The following SPINK14 variants were observed in gnomAD, a reference collection of about 807,000 sequenced individuals.
SPINK14 encodes serine protease inhibitor Kazal-type 14.
A neutral mutation model predicts 14.2 loss-of-function variants in SPINK14; 6 were observed. That is an observed-to-expected ratio of 0.42 (90% CI 0.23 to 0.83). The LOEUF (loss-of-function observed/expected upper bound fraction) is 0.83, where lower values mean the gene tolerates loss of function less well. Among genes scored for constraint, SPINK14 ranks in the 40% least tolerant of loss-of-function variants. SPINK14 has a pLI of 0.28. For missense variants in SPINK14, 86 were observed against 108.3 expected, an observed-to-expected ratio of 0.79 and a Z score of 0.91; for synonymous variants, 34 against 36.8, an observed-to-expected ratio of 0.92 and a Z score of 0.27.
intron 1 of SPINK14, among the ~76,000 whole-genome samples, 69 bp downstream of exon 1, chr5:148,168,636 A>G (rs375032753): frequency 6.8e-6 from 1 of 148,062 alleles, no homozygotes; most frequent in East Asian, 1.9e-4. Context: ...TTCTGGCTGC[A>G]GCTGAACTTG....
Position 148,174,909 on chromosome 5 carries a change from G to T in SPINK14, c.249-444G>T, listed in dbSNP as rs61575505. On this transcript the variant is annotated intron_variant, in intron 4 of 4. Coordinates refer to ENST00000356972, the MANE Select transcript of SPINK14 (RefSeq NM_001001325.2). ...TATATGAGTGAGTGCATTTCACAGA[G>T]AGAAAAATTTTCCCCATGGCATCAG... 7.8e-3 allele frequency among the ~76,000 whole-genome samples: 1,189 copies of T among 152,186 alleles called. 18 individuals are homozygous for T. The highest frequency in any genetic ancestry group is 0.027 in the African/African-American group (1,140 of 41,526).
intron 3 of SPINK14, among the ~76,000 whole-genome samples, chr5:148,173,508 T>G (rs1755134123): frequency 3.0e-5 from 3 of 101,064 alleles, no homozygotes; most frequent in South Asian, 6.2e-4. Flanking sequence ...GAAAAAAAAG[T>G]GATAAATATT....
In SPINK14 at chr5:148,170,944, C is replaced by T; in HGVS notation, c.82C>T (p.His28Tyr). Reference sequence around the variant, plus strand: ...GTATTCTCTAGTTTCAGGCCCTAGACACTGGTGGCCACCACGTGGAATTAT... The same window carrying T: ...GTATTCTCTAGTTTCAGGCCCTAGATACTGGTGGCCACCACGTGGAATTAT... Reference protein sequence around the residue: ...LVLSSVSGPRHWWPPRGIIKV... With the variant: ...LVLSSVSGPRYWWPPRGIIKV... Residue 28 changes from histidine to tyrosine, a missense_variant, in exon 3 of 5, where the codon CAC becomes TAC. By Grantham distance (83) the His-to-Tyr change is moderately conservative. Coordinates refer to ENST00000356972, the MANE Select transcript of SPINK14 (RefSeq NM_001001325.2). The T allele has an allele frequency of 6.2e-7, 1 of 1,612,486 alleles. No individual in the cohort carries two copies. The highest frequency in any genetic ancestry group is 1.7e-5 in the Admixed American group (1 of 59,874).
rs1324105593 is a variant in SPINK14 at position 148,168,752 on chromosome 5, G to A, written c.-73+185G>A. The stretch of plus-strand genomic sequence containing the variant: ...CCCAGATTGTGCCAGGAGTAGGCAT[G>A]GTAGGCAACCTTTCATAGTGTACAA... On this transcript the variant is annotated intron_variant, in intron 1 of 4. Coordinates refer to ENST00000356972, the MANE Select transcript of SPINK14 (RefSeq NM_001001325.2). Among the ~76,000 whole-genome samples the A allele has an allele frequency of 2.6e-5, 4 of 152,080 alleles. No individual in the cohort carries two copies. In the South Asian group the frequency reaches 8.3e-4, roughly 31 times the overall value.
At chr5:148,170,820 A>C in intron 2 of SPINK14, 110 bp from the exon 3 acceptor site, 1 of 907,918 alleles carries the variant, frequency 1.1e-6, no homozygotes, top group Non-Finnish European at 1.7e-6. Context: ...AATGTTTTCC[A>C]TTGCTGAAAA....
In SPINK14 at chr5:148,169,719, C is replaced by T. The variant is rs371126748; in HGVS notation, c.-14C>T. On this transcript the variant is annotated 5_prime_UTR_variant, in exon 2 of 5. Transcript: ENST00000356972. ...ATTTCAGAGCATCATTCCAAGGACA[C>T]ACCAGGAGGAAAAATGGCCAAATCT... The T allele has an allele frequency of 2.6e-5, 42 of 1,605,536 alleles. No individual in the cohort carries two copies. Among genetic ancestry groups the T allele is most frequent in the Non-Finnish European group, 3.2e-5 (37 of 1,174,354 alleles).
Position 148,174,248 on chromosome 5 carries a change from T to A in SPINK14, c.126T>A (p.Tyr42Ter). 2 of 1,114,326 alleles carry A rather than the reference T, an allele frequency of 1.8e-6. No homozygotes were observed. The highest frequency in any genetic ancestry group is 2.5e-6 in the Non-Finnish European group (2 of 811,114). The allele number at this position is 1,114,326 out of a possible 1,614,324, so 69.0% of individuals were successfully genotyped here. The change falls in exon 4 of 5, where the codon TAT (tyrosine) becomes TAA (stop). Residue 42 changes from tyrosine to a stop codon, truncating the protein, a stop_gained. Transcript: ENST00000356972. LOFTEE classifies it high-confidence loss of function. ...PRGIIKVKCPYEKVNLSWYNG... is the reference protein window; with the variant it reads ...PRGIIKVKCP ...CTCAATTTCAGGTGAAATGTCCATA[T>A]GAGAAAGTAAACTTGAGCTGGTACA...
chr5:148,172,976 T>C (rs1478406666), intron 3 of SPINK14, among the ~76,000 whole-genome samples: 2 of 152,008 alleles, frequency 1.3e-5, no homozygotes, highest in Non-Finnish European at 2.9e-5. Context: ...TTTTTTATAA[T>C]GTGCAATGAG....
chr5:148,173,215 G>A (rs933144900), intron 3 of SPINK14, among the ~76,000 whole-genome samples: 12 of 152,014 alleles, frequency 7.9e-5, no homozygotes, highest in Admixed American at 5.9e-4. Flanking sequence ...TACTTTGTGC[G>A]TGAGGTATTT....
At chr5:148,170,165 T>TAC (rs1173691697) in intron 2 of SPINK14, among the ~76,000 whole-genome samples, 2 of 102,742 alleles carry the variant, frequency 1.9e-5, no homozygotes, top group Admixed American at 1.9e-4. Flanking sequence ...AGAGTATATA[T>TAC]ATATATATAC....
At chr5:148,172,805 C>T (rs1255270051) in intron 3 of SPINK14, among the ~76,000 whole-genome samples, 1 of 148,366 alleles carries the variant, frequency 6.7e-6, no homozygotes, top group African/African-American at 2.5e-5. Flanking sequence ...TATGACACGT[C>T]AGAAGACCTT....
Position 148,169,680 on chromosome 5 carries a change from C to T in SPINK14, c.-53C>T. The T allele has an allele frequency of 6.8e-7, 1 of 1,473,932 alleles. No individual in the cohort carries two copies. The highest frequency in any genetic ancestry group is 9.4e-7 in the Non-Finnish European group (1 of 1,060,158). 91.3% of individuals were successfully genotyped at this position (1,473,932 alleles called of 1,614,324 possible). On this transcript the variant is annotated 5_prime_UTR_variant, in exon 2 of 5. Transcript: ENST00000356972. ...CTTTAGTGATTGTATTAGAGGGCAA[C>T]AACCTGAGACAATATTTCAGAGCAT...
In SPINK14 at chr5:148,175,436, T is replaced by C. The variant is rs200060630; in HGVS notation, c.*38T>C. 1 of 310,312 alleles carries C rather than the reference T, an allele frequency of 3.2e-6. No homozygotes were observed. The highest frequency in any genetic ancestry group is 5.2e-5 in the South Asian group (1 of 19,112). 19.2% of individuals were successfully genotyped at this position (310,312 alleles called of 1,614,324 possible). ...GAATGTGGAAGATATCTTCTTTTTT[T>C]TTTCCTCCATGTCTCCAATCTCCCT... On this transcript the variant is annotated 3_prime_UTR_variant, in exon 5 of 5. Coordinates refer to ENST00000356972, the MANE Select transcript of SPINK14 (RefSeq NM_001001325.2).
At chr5:148,170,581 G>C (rs930918328) in intron 2 of SPINK14, among the ~76,000 whole-genome samples, 1 of 151,894 alleles carries the variant, frequency 6.6e-6, no homozygotes, top group Non-Finnish European at 1.5e-5. Context: ...TATGATGATT[G>C]GGCCAAAAGA....
intron 4 of SPINK14, 26 bp from the exon 5 acceptor site, chr5:148,175,327 A>C (rs1326819801): frequency 4.1e-6 from 6 of 1,463,648 alleles, no homozygotes; most frequent in Non-Finnish European, 3.8e-6. Flanking sequence ...TACTAAATGA[A>C]ATGTTTATTC....
intron 4 of SPINK14, among the ~76,000 whole-genome samples, chr5:148,174,849 A>C (rs2113284022): frequency 6.6e-6 from 1 of 152,244 alleles, no homozygotes; most frequent in East Asian, 1.9e-4. Flanking sequence ...TTAGATACTG[A>C]AATCTTATAA....
chr5:148,171,431 CA>C (rs1232640204), intron 3 of SPINK14, among the ~76,000 whole-genome samples: 1 of 152,084 alleles, frequency 6.6e-6, no homozygotes, highest in Non-Finnish European at 1.5e-5. Context: ...ATGTGAAGAA[CA>C]GTAGATACCT....
intron 3 of SPINK14, among the ~76,000 whole-genome samples, chr5:148,172,230 G>T (rs1755114609): frequency 3.3e-5 from 5 of 152,128 alleles, no homozygotes; most frequent in African/African-American, 1.2e-4. Flanking sequence ...ATAAAAAGTA[G>T]CCACCCAGGT....
intron 3 of SPINK14, among the ~76,000 whole-genome samples, chr5:148,171,779 T>C (rs1271804362): frequency 6.6e-6 from 1 of 152,126 alleles, no homozygotes; most frequent in Non-Finnish European, 1.5e-5. Context: ...GACCAGAATG[T>C]GAAGCTTGTC....
Sources: gnomAD v4.1 joint callset for allele counts (sites outside exome capture counted in the v4.1 genomes callset) on GRCh38, gnomAD v4.1.1 for gene constraint, MANE v1.5 for transcripts, NCBI Gene and HGNC (gene_info 2026-07-23, HGNC 2026-07-21) for gene names.